The following CTNNA3 variants were observed in gnomAD, a reference collection of about 807,000 sequenced individuals.
CTNNA3 encodes catenin alpha 3, also known as catenin alpha-3.
Under a neutral mutation model 95.7 loss-of-function variants are expected in CTNNA3, and 76 were observed. The ratio of observed to expected loss-of-function variants is 0.79; its 90% CI spans 0.66 to 0.96. The LOEUF (loss-of-function observed/expected upper bound fraction) is 0.96. Among genes scored for constraint, CTNNA3 ranks in the 40% least tolerant of loss-of-function variants. CTNNA3 has a pLI of 0.00. For synonymous variants in CTNNA3, 431 were observed against 374.4 expected (o/e 1.15, Z -1.74); for missense variants, 1,191 against 1,089.8 (o/e 1.09, Z -1.31).
chr10:66,583,347 T>G (rs1270115735), intron 10 of CTNNA3, among the ~76,000 whole-genome samples: 3 of 151,504 alleles, frequency 2.0e-5, no homozygotes, highest in Non-Finnish European at 4.4e-5. Context: ...AAATTACTGA[T>G]TAAATCTCAC....
chr10:67,200,264 G>A lies in CTNNA3; in HGVS notation c.843+19343C>T, dbSNP rs551108277. ...GCTATTCCATATTTGAAGATCTGGT[G>A]GGGGGAAAGTATGTAGAAACTTCAA... On this transcript the variant is annotated intron_variant, in intron 6 of 17. Coordinates refer to ENST00000433211, the MANE Select transcript of CTNNA3 (RefSeq NM_013266.4). Among the ~76,000 whole-genome samples, 268 of 152,176 alleles carry A rather than the reference G, an allele frequency of 1.8e-3. 3 individuals are homozygous for A. Among genetic ancestry groups the A allele is most frequent in the African/African-American group, 6.1e-3 (255 of 41,520 alleles).
chr10:66,445,215 T>C (rs1012255717), intron 11 of CTNNA3, among the ~76,000 whole-genome samples: 1 of 151,680 alleles, frequency 6.6e-6, no homozygotes, highest in African/African-American at 2.4e-5. Context: ...TCCCACACAA[T>C]AATAATGGGA....
At chr10:66,026,303 C>T (rs1332595268) in intron 15 of CTNNA3, among the ~76,000 whole-genome samples, 1 of 152,066 alleles carries the variant, frequency 6.6e-6, no homozygotes, top group Non-Finnish European at 1.5e-5. Context: ...TCCTAAAAGG[C>T]TTTTTATATT....
At chr10:66,345,931 G>T (rs990604614) in intron 12 of CTNNA3, among the ~76,000 whole-genome samples, 1 of 151,280 alleles carries the variant, frequency 6.6e-6, no homozygotes, top group Non-Finnish European at 1.5e-5. Context: ...ACAAAACTTA[G>T]CTGGGAGTGG....
At chr10:67,655,782 CAAAA>C (rs11291979) in intron 1 of CTNNA3, among the ~76,000 whole-genome samples, 3 of 95,250 alleles carry the variant, frequency 3.1e-5, no homozygotes, top group Admixed American at 1.1e-4. Context: ...GACTCCGTCT[CAAAA>C]AAAAAAAAAA....
At chr10:66,240,435 C>T (rs781615842) in intron 13 of CTNNA3, among the ~76,000 whole-genome samples, 7 of 151,896 alleles carry the variant, frequency 4.6e-5, no homozygotes, top group Non-Finnish European at 7.4e-5. Flanking sequence ...ATGTACTAGC[C>T]GGACAAAACA....
At chr10:66,603,705 C>T (rs956026124) in intron 10 of CTNNA3, among the ~76,000 whole-genome samples, 7 of 151,988 alleles carry the variant, frequency 4.6e-5, no homozygotes, top group African/African-American at 1.7e-4. Flanking sequence ...GTAACTAAAA[C>T]AGTATGGTAC....
chr10:66,677,918 A>G (rs1227313447), intron 9 of CTNNA3, among the ~76,000 whole-genome samples: 2 of 150,074 alleles, frequency 1.3e-5, no homozygotes, highest in African/African-American at 2.5e-5. Context: ...TTGAGTAACA[A>G]CTATTCTAAG....
At chr10:67,198,106 A>C (rs1034189826) in intron 6 of CTNNA3, among the ~76,000 whole-genome samples, 9 of 151,654 alleles carry the variant, frequency 5.9e-5, no homozygotes, top group African/African-American at 2.2e-4. Context: ...AATTATGATT[A>C]ATTTAATTTT....
At chr10:67,676,737 G>A (rs540836365) in intron 1 of CTNNA3, among the ~76,000 whole-genome samples, 6 of 152,262 alleles carry the variant, frequency 3.9e-5, no homozygotes, top group African/African-American at 1.4e-4. Context: ...TGTTGCTGTG[G>A]ATCCAGTGAG....
chr10:67,026,190 A>G (rs1300920684), intron 7 of CTNNA3, among the ~76,000 whole-genome samples: 1 of 151,670 alleles, frequency 6.6e-6, no homozygotes, highest in Non-Finnish European at 1.5e-5. Flanking sequence ...GCACACCAGC[A>G]TGGCACATGT....
chr10:66,272,793 A>G (rs2091310061), intron 13 of CTNNA3, among the ~76,000 whole-genome samples: 1 of 152,172 alleles, frequency 6.6e-6, no homozygotes, highest in Non-Finnish European at 1.5e-5. Context: ...AGACACAATT[A>G]ATACTACACT....
At chr10:67,345,118 C>A (rs1842361745) in intron 5 of CTNNA3, among the ~76,000 whole-genome samples, 1 of 152,006 alleles carries the variant, frequency 6.6e-6, no homozygotes. Context: ...CATTCTAGAG[C>A]AGGTTGTTTA....
intron 14 of CTNNA3, 93 bp downstream of exon 14, chr10:66,103,064 T>C (rs1241949665): frequency 3.1e-6 from 3 of 954,254 alleles, no homozygotes; most frequent in Non-Finnish European, 5.1e-6. Context: ...GATCCAGGAG[T>C]CCCACCCATT....
At chr10:66,710,674 TTTA>T in intron 9 of CTNNA3, among the ~76,000 whole-genome samples, 1 of 151,914 alleles carries the variant, frequency 6.6e-6, no homozygotes, top group Admixed American at 6.6e-5. Flanking sequence ...TATAAATCTC[TTTA>T]ATAATTTTTT....
At chr10:66,762,997 T>C (rs1839661055) in intron 9 of CTNNA3, among the ~76,000 whole-genome samples, 1 of 152,090 alleles carries the variant, frequency 6.6e-6, no homozygotes, top group Non-Finnish European at 1.5e-5. Flanking sequence ...ATGTAAGACT[T>C]TCTGCCGTGC....
chr10:67,237,120 GTGTATGTATATATATATATATATATA>G (rs1374678111), intron 5 of CTNNA3, among the ~76,000 whole-genome samples: 9 of 15,652 alleles, frequency 5.8e-4, no homozygotes, highest in South Asian at 2.0e-3. Flanking sequence ...AGAAACTATG[GTGTATGTATATATATATATATATATA>G]TATATATATA....
chr10:66,526,699 T>A (rs1841273989), intron 10 of CTNNA3, among the ~76,000 whole-genome samples: 1 of 152,206 alleles, frequency 6.6e-6, no homozygotes, highest in Non-Finnish European at 1.5e-5. Context: ...CCCTAATGAT[T>A]AATGATGCTG....
intron 10 of CTNNA3, among the ~76,000 whole-genome samples, chr10:66,586,070 T>G (rs74143424): frequency 6.6e-6 from 1 of 152,118 alleles, no homozygotes; most frequent in South Asian, 2.1e-4. Flanking sequence ...GAAGTGTCTT[T>G]CTCAGATGCC....
Sources: allele counts gnomAD v4.1 joint callset (sites outside exome capture counted in the v4.1 genomes callset), GRCh38; gene constraint gnomAD v4.1.1; transcripts MANE v1.5; gene names NCBI Gene and HGNC (gene_info 2026-07-23, HGNC 2026-07-21).